Variants in CAMTA1 observed in about 807,000 individuals in gnomAD.
The protein encoded by CAMTA1 is calmodulin binding transcription activator 1, also known as calmodulin-binding transcription activator 1.
In CAMTA1, 27 loss-of-function variants were observed where a neutral mutation model predicts 170.9. That is an observed-to-expected ratio of 0.16 (90% CI 0.12 to 0.22). CAMTA1 has a LOEUF of 0.22. Ranked by LOEUF, CAMTA1 falls within the 10% of genes least tolerant of loss-of-function variation. The pLI, the probability that CAMTA1 is intolerant of heterozygous loss-of-function variation, is 1.00. For missense variants in CAMTA1, 1,619 were observed against 2,217.2 expected (o/e 0.73, Z 5.42); for synonymous variants, 833 against 891.5 (o/e 0.93, Z 1.17).
chr1:6,840,011 AC>A lies in CAMTA1; in HGVS notation c.234+14803del, dbSNP rs546975866. ...AGGTCAGGAGTTCAAGACCAGCGTG[AC>A]CAACATGATGAAACCCCATCTCTAC... On this transcript the variant is annotated intron_variant, in intron 3 of 22. Transcript: ENST00000303635. Among the ~76,000 whole-genome samples the A allele has an allele frequency of 1.9e-3, 295 of 152,246 alleles. 1 individual carries two copies. The highest frequency in any genetic ancestry group is 6.6e-3 in the African/African-American group (276 of 41,538).
Position 7,545,723 on chromosome 1 carries a change from A to G in CAMTA1, c.510+77822A>G, listed in dbSNP as rs1028491955. On this transcript the variant is annotated intron_variant, in intron 6 of 22. Transcript: ENST00000303635. ...GGATACATGTTAGGATGTACCCTGG[A>G]TGTGCAGGTTTGTTACATAGGTAGA... Among the ~76,000 whole-genome samples the G allele has an allele frequency of 4.6e-5, 7 of 151,760 alleles. No homozygotes were observed. In the East Asian group the frequency reaches 7.7e-4, roughly 17 times the overall value.
At chr1:6,982,651 G>A (rs557826381) in intron 3 of CAMTA1, among the ~76,000 whole-genome samples, 3 of 146,454 alleles carry the variant, frequency 2.0e-5, no homozygotes, top group Admixed American at 1.3e-4. Flanking sequence ...GCATGGCCCC[G>A]GGTTCTGGCT....
intron 22 of CAMTA1, among the ~76,000 whole-genome samples, chr1:7,762,380 G>A (rs932130070): frequency 6.6e-6 from 1 of 152,128 alleles, no homozygotes; most frequent in Admixed American, 6.5e-5. Context: ...TTAGCCATTT[G>A]AAACACTCTG....
chr1:7,364,567 G>C (rs2085818782), intron 5 of CAMTA1, among the ~76,000 whole-genome samples: 1 of 152,044 alleles, frequency 6.6e-6, no homozygotes, highest in Admixed American at 6.6e-5. Flanking sequence ...ACCTATGAGT[G>C]CATGGTGGTC....
At chr1:7,140,152 GCCAGGATTCGAA>G (rs958919561) in intron 4 of CAMTA1, among the ~76,000 whole-genome samples, 10 of 152,162 alleles carry the variant, frequency 6.6e-5, no homozygotes, top group African/African-American at 2.2e-4. Flanking sequence ...TGGTAGCAGA[GCCAGGATTCGAA>G]CCAGGGCTGC....
intron 5 of CAMTA1, among the ~76,000 whole-genome samples, chr1:7,462,006 G>A (rs1195757027): frequency 6.6e-6 from 1 of 152,262 alleles, no homozygotes; most frequent in East Asian, 1.9e-4. Context: ...CTATGCGAAT[G>A]TCACTAGCAG....
chr1:7,120,962 C>T (rs1341459179), intron 4 of CAMTA1, among the ~76,000 whole-genome samples: 1 of 152,232 alleles, frequency 6.6e-6, no homozygotes, highest in Non-Finnish European at 1.5e-5. Flanking sequence ...GCAGAGATGT[C>T]AGGGCCAGGG....
intron 6 of CAMTA1, among the ~76,000 whole-genome samples, chr1:7,568,253 T>A (rs1386061862): frequency 7.2e-6 from 1 of 139,766 alleles, no homozygotes; most frequent in Non-Finnish European, 1.5e-5. Flanking sequence ...ATCACCGTCG[T>A]CATCATCACC....
intron 5 of CAMTA1, among the ~76,000 whole-genome samples, chr1:7,364,911 A>G (rs1276868384): frequency 1.3e-5 from 2 of 152,244 alleles, no homozygotes; most frequent in East Asian, 3.8e-4. Flanking sequence ...GCCACCTGTC[A>G]AACTGCTTTC....
At chr1:7,551,798 C>G (rs1172101056) in intron 6 of CAMTA1, among the ~76,000 whole-genome samples, 1 of 152,176 alleles carries the variant, frequency 6.6e-6, no homozygotes. Context: ...TCTCTCTGGT[C>G]TTACCAGCTG....
At chr1:7,350,000 C>A (rs763165475) in intron 5 of CAMTA1, among the ~76,000 whole-genome samples, 10 of 152,112 alleles carry the variant, frequency 6.6e-5, no homozygotes, top group Non-Finnish European at 1.5e-4. Context: ...TCACACTGGG[C>A]TCTCTGTGTG....
chr1:7,670,390 C>T (rs1006345069), intron 9 of CAMTA1, among the ~76,000 whole-genome samples: 1 of 152,208 alleles, frequency 6.6e-6, no homozygotes, highest in Non-Finnish European at 1.5e-5. Context: ...ACCTTGCCAT[C>T]CCCACAGCCT....
At chr1:7,703,686 T>C (rs1005437332) in intron 11 of CAMTA1, among the ~76,000 whole-genome samples, 5 of 152,148 alleles carry the variant, frequency 3.3e-5, no homozygotes, top group Non-Finnish European at 5.9e-5. Flanking sequence ...ACTGTATCTA[T>C]ATATCTATAT....
intron 5 of CAMTA1, among the ~76,000 whole-genome samples, chr1:7,379,076 C>A (rs1278977933): frequency 6.6e-6 from 1 of 152,196 alleles, no homozygotes; most frequent in Admixed American, 6.5e-5. Flanking sequence ...TGCCACCATG[C>A]ATGACAGAGT....
chr1:7,521,141 C>T (rs771947895), intron 6 of CAMTA1, among the ~76,000 whole-genome samples: 2 of 152,134 alleles, frequency 1.3e-5, no homozygotes, highest in Non-Finnish European at 2.9e-5. Flanking sequence ...GACTGATCTT[C>T]CCGCTTTTAT....
chr1:7,168,245 C>T lies in CAMTA1; in HGVS notation c.302+76874C>T, dbSNP rs1648897225. On this transcript the variant is annotated intron_variant, in intron 4 of 22. Coordinates refer to ENST00000303635, the MANE Select transcript of CAMTA1 (RefSeq NM_015215.4). ...TCTTTTAATACTTTGCCTCTAGATT[C>T]TTTGAATTCTATGTAGATAATTCAC... 2.0e-5 allele frequency among the ~76,000 whole-genome samples: 3 copies of T among 152,128 alleles called. No individual in the cohort carries two copies. The South Asian group carries it at 6.2e-4, about 32-fold the overall frequency.
At chr1:7,304,943 A>G (rs1675355733) in intron 5 of CAMTA1, among the ~76,000 whole-genome samples, 5 of 142,718 alleles carry the variant, frequency 3.5e-5, no homozygotes, top group Admixed American at 3.5e-4. Flanking sequence ...CCAAAATTAC[A>G]AAAAAATGTT....
chr1:7,316,597 G>T (rs565128998), intron 5 of CAMTA1, among the ~76,000 whole-genome samples: 9 of 152,166 alleles, frequency 5.9e-5, no homozygotes, highest in Admixed American at 5.9e-4. Flanking sequence ...TCTAGTGTTC[G>T]TAACAATTCT....
chr1:7,428,696 C>A (rs2091997634), intron 5 of CAMTA1, among the ~76,000 whole-genome samples: 1 of 152,170 alleles, frequency 6.6e-6, no homozygotes. Flanking sequence ...GACATCCCCT[C>A]TCCCTCATCC....
Sources: allele counts gnomAD v4.1 joint callset (sites outside exome capture counted in the v4.1 genomes callset), GRCh38; gene constraint gnomAD v4.1.1; transcripts MANE v1.5; gene names NCBI Gene and HGNC (gene_info 2026-07-23, HGNC 2026-07-21).